Variants in AP2A1 observed in about 807,000 individuals in gnomAD.
AP2A1 encodes the protein AP-2 complex subunit alpha-1.
Under a neutral mutation model 107.3 loss-of-function variants are expected in AP2A1, and 21 were observed. The ratio of observed to expected loss-of-function variants is 0.20; its 90% CI spans 0.14 to 0.28. AP2A1 has a LOEUF of 0.28. Among genes scored for constraint, AP2A1 ranks in the 10% least tolerant of loss-of-function variants. The pLI is 1.00. For synonymous variants in AP2A1, 602 were observed against 564.8 expected (o/e 1.07, Z -0.93); for missense variants, 873 against 1,307.7 (o/e 0.67, Z 5.13).
chr19:49,782,670 G>T lies in AP2A1; in HGVS notation c.419G>T (p.Ser140Ile). The T allele has an allele frequency of 6.2e-7, 1 of 1,612,204 alleles. No individual in the cohort carries two copies. Among genetic ancestry groups the T allele is most frequent in the Non-Finnish European group, 8.5e-7 (1 of 1,179,542 alleles). Residue 140 changes from serine (S) to isoleucine (I), a missense_variant, in exon 4 of 23, where the codon AGC becomes ATC. Physicochemically the swap from Ser to Ile is moderately radical, Grantham distance 142. Transcript: ENST00000354293. ...LALHCIANVG[S>I]REMGEAFAAD... ...CTGCACTGCATCGCCAACGTGGGCA[G>T]CCGGGAGATGGGCGAGGCCTTTGCC...
chr19:49,799,749 G>A lies in AP2A1; in HGVS notation c.1255G>A (p.Ala419Thr), dbSNP rs748102575. 4 of 1,613,368 alleles carry A rather than the reference G, an allele frequency of 2.5e-6. No homozygotes were observed. The highest frequency in any genetic ancestry group is 1.7e-5 in the Admixed American group (1 of 60,004). ...GCGGTACCTGGAGACGGCAGACTAC[G>A]CCATCCGCGAGGAGATCGTGAGTGC... is the stretch of plus-strand genomic sequence containing the variant. ...MLRYLETADY[A>T]IREEIVLKVA... The change falls in exon 10 of 23, where the codon GCC becomes ACC. Residue 419 changes from alanine (A) to threonine (T), a missense_variant. Coordinates refer to ENST00000354293, the MANE Select transcript of AP2A1 (RefSeq NM_130787.3).
At chr19:49,802,399 C>G in intron 15 of AP2A1, 2 of 992,580 alleles carry the variant, frequency 2.0e-6, no homozygotes, top group East Asian at 2.6e-5. Context: ...TCAGCCTGCT[C>G]TTCCTTTTCT....
chr19:49,803,457 C>A, intron 18 of AP2A1, 81 bp downstream of exon 18: 1 of 1,142,354 alleles, frequency 8.8e-7, no homozygotes, highest in Non-Finnish European at 1.3e-6. Flanking sequence ...GACCCAGGTC[C>A]ACACTTCTCT....
chr19:49,772,348 C>T (rs2084571358), intron 1 of AP2A1, among the ~76,000 whole-genome samples: 1 of 146,800 alleles, frequency 6.8e-6, no homozygotes, highest in South Asian at 2.2e-4. Context: ...CAAGCTCCAC[C>T]TCCCGGGTTC....
chr19:49,801,804 G>A lies in AP2A1; in HGVS notation c.1868G>A (p.Gly623Glu), dbSNP rs1038174060. The change falls in exon 14 of 23, where the codon GGG becomes GAG. Residue 623 changes from glycine to glutamate, a missense_variant. Gly to Glu is a moderately conservative substitution (Grantham distance 98, BLOSUM62 -2). Transcript: ENST00000354293. ...AAGCTGAAACGCAAGAAGGGGCCAG[G>A]GGCCGGCAGCGCCCTGGACGATGGC... ...LAKLKRKKGP[G>E]AGSALDDGRR... The A allele has an allele frequency of 1.3e-6, 2 of 1,558,178 alleles. No individual in the cohort carries two copies. Among genetic ancestry groups the A allele is most frequent in the South Asian group, 1.2e-5 (1 of 83,308 alleles).
chr19:49,801,119 G>T, intron 12 of AP2A1, 61 bp downstream of exon 12: 1 of 1,458,686 alleles, frequency 6.9e-7, no homozygotes, highest in South Asian at 1.3e-5. Context: ...CAGGGCTTGG[G>T]GGATCCCCAG....
At chr19:49,786,582 G>A (rs904122974) in intron 4 of AP2A1, among the ~76,000 whole-genome samples, 1 of 152,212 alleles carries the variant, frequency 6.6e-6, no homozygotes, top group East Asian at 1.9e-4. Flanking sequence ...AGCCCAGCGT[G>A]TTACGCTCTG....
Position 49,806,207 on chromosome 19 carries a change from T to C in AP2A1, c.2744T>C (p.Leu915Pro). The change falls in exon 22 of 23, where the codon CTG becomes CCG. Residue 915 changes from leucine to proline, a missense_variant. Physicochemically the swap from Leu to Pro is moderately conservative, Grantham distance 98. This residue lies in a region of AP2A1 where 416 missense variants were observed against 473.4 expected (regional missense o/e 0.88). Coordinates refer to ENST00000354293, the MANE Select transcript of AP2A1 (RefSeq NM_130787.3). ...VGAGIIQTKA[L>P]QVGCLLRLEP... ...GCGGGGATCATCCAGACTAAAGCCC[T>C]GCAGGTGGGCTGTCTGCTTCGGCTG... The C allele has an allele frequency of 6.2e-7, 1 of 1,605,034 alleles. No individual in the cohort carries two copies. Among genetic ancestry groups the C allele is most frequent in the Non-Finnish European group, 8.5e-7 (1 of 1,176,166 alleles).
intron 11 of AP2A1, chr19:49,800,583 C>T (rs2073266565): frequency 1.9e-5 from 5 of 258,128 alleles, no homozygotes; most frequent in Admixed American, 5.1e-5. Flanking sequence ...ATTCTCCTGC[C>T]TCAGCCTCCC....
At position 49,802,968 on chromosome 19, in the gene AP2A1, G is replaced by A. The variant is rs771647244; in HGVS notation, c.2134G>A (p.Gly712Ser). 11 of 1,613,246 alleles carry A rather than the reference G, an allele frequency of 6.8e-6. No individual in the cohort carries two copies. Among genetic ancestry groups the A allele is most frequent in the Non-Finnish European group, 9.3e-6 (11 of 1,179,644 alleles). The change falls in exon 16 of 23, where the codon GGC (glycine) becomes AGC (serine). Residue 712 changes from glycine (G) to serine (S), a missense_variant. This residue lies in a region of AP2A1 where 416 missense variants were observed against 473.4 expected (regional missense o/e 0.88). Coordinates refer to ENST00000354293, the MANE Select transcript of AP2A1 (RefSeq NM_130787.3). Reference protein sequence around the residue: ...AFLSPGPEDIGPPIPEADELL... With the variant: ...AFLSPGPEDISPPIPEADELL... ...CTCCAGCCCAGGTCCTGAGGACATC[G>A]GCCCTCCCATTCCGGAAGCCGATGA...
intron 17 of AP2A1, 41 bp downstream of exon 17, chr19:49,803,230 C>G: frequency 1.2e-6 from 2 of 1,613,558 alleles, no homozygotes; most frequent in South Asian, 2.2e-5. Context: ...GGAGGGAGAC[C>G]TTGGGGAAGG....
rs1201838929 is a variant in AP2A1 at position 49,775,101 on chromosome 19, A to G, written c.68-6656A>G. On this transcript the variant is annotated intron_variant, in intron 1 of 22. Transcript: ENST00000354293. ...AAATTAGCCACGCATGGTGGCATGC[A>G]CCTGTAGTCCTAGCTTCTTCGGAGG... is the stretch of plus-strand genomic sequence containing the variant. 2.0e-5 allele frequency among the ~76,000 whole-genome samples: 3 copies of G among 151,722 alleles called. No individual in the cohort carries two copies. In the East Asian group the frequency reaches 5.8e-4, roughly 29 times the overall value.
At chr19:49,773,048 G>C (rs191148529) in intron 1 of AP2A1, among the ~76,000 whole-genome samples, 164 of 152,080 alleles carry the variant, frequency 1.1e-3, no homozygotes, top group African/African-American at 3.9e-3. Context: ...AGAGTGTGGA[G>C]CCAGCCAGCA....
Position 49,801,991 on chromosome 19 carries a change from C to T in AP2A1, c.1964C>T (p.Ser655Leu), listed in dbSNP as rs2073287972. ...EPTPSTVSTPSPSADLLGLRA... is the reference protein window; with the variant it reads ...EPTPSTVSTPLPSADLLGLRA... ...CTGCGCTTCCTACAGTCGACGCCCT[C>T]GCCCTCCGCCGACCTCCTGGGGCTG... The change falls in exon 15 of 23, where the codon TCG (serine) becomes TTG (leucine). Residue 655 changes from serine to leucine, a missense_variant. By Grantham distance (145) the Ser-to-Leu change is moderately radical. This residue lies in a region of AP2A1 where 416 missense variants were observed against 473.4 expected (regional missense o/e 0.88). Transcript: ENST00000354293. 1.3e-6 allele frequency: 2 copies of T among 1,520,168 alleles called. No homozygotes were observed. Among genetic ancestry groups the T allele is most frequent in the Non-Finnish European group, 1.8e-6 (2 of 1,138,850 alleles). The allele number at this position is 1,520,168 out of a possible 1,614,324, so 94.2% of individuals were successfully genotyped here.
chr19:49,787,356 T>TG (rs1419037607), intron 4 of AP2A1, among the ~76,000 whole-genome samples: 2 of 126,688 alleles, frequency 1.6e-5, no homozygotes, highest in South Asian at 2.9e-4. Flanking sequence ...TGTTTTTTGT[T>TG]TTTTTTTTTT....
intron 1 of AP2A1, among the ~76,000 whole-genome samples, chr19:49,773,044 T>C (rs1600214663): frequency 6.6e-6 from 1 of 151,596 alleles, no homozygotes; most frequent in Admixed American, 6.6e-5. Context: ...GGGAAGAGTG[T>C]GGAGCCAGCC....
Position 49,799,624 on chromosome 19 carries a change from C to T in AP2A1, c.1135-5C>T, listed in dbSNP as rs746102918. On this transcript the variant is annotated splice_polypyrimidine_tract_variant and splice_region_variant and intron_variant, in intron 9 of 22. Transcript: ENST00000354293. ...ACACACCTGGGCTCTGCTCTCCGCC[C>T]TCAGACGGAGCGGGACGTCAGCGTG... 2 of 1,608,796 alleles carry T rather than the reference C, an allele frequency of 1.2e-6. No individual in the cohort carries two copies. Among genetic ancestry groups the T allele is most frequent in the Non-Finnish European group, 8.5e-7 (1 of 1,179,532 alleles).
At chr19:49,806,303 T>A in intron 22 of AP2A1, 50 bp downstream of exon 22, 3 of 1,536,846 alleles carry the variant, frequency 2.0e-6, no homozygotes, top group Non-Finnish European at 1.8e-6. Flanking sequence ...CCGCCTGTCA[T>A]CTCTGCGTCC....
intron 8 of AP2A1, 147 bp downstream of exon 8, chr19:49,799,099 T>A: frequency 7.9e-7 from 1 of 1,267,530 alleles, no homozygotes; most frequent in East Asian, 2.5e-5. Context: ...GTGTCACCTG[T>A]GAGGTTGGTG....
Sources: gnomAD v4.1 joint callset for allele counts (sites outside exome capture counted in the v4.1 genomes callset) on GRCh38, gnomAD v4.1.1 for gene constraint, gnomAD v4.1.1 regional missense constraint, MANE v1.5 for transcripts, NCBI Gene and HGNC (gene_info 2026-07-23, HGNC 2026-07-21) for gene names.